Variants in DAAM1 observed in about 807,000 individuals in gnomAD.
The protein encoded by DAAM1 is disheveled-associated activator of morphogenesis 1.
A neutral mutation model predicts 130.0 loss-of-function variants in DAAM1; 52 were observed. The observed-to-expected ratio is 0.40, with a 90% CI of 0.32 to 0.50. DAAM1 has a LOEUF of 0.50. Among genes scored for constraint, DAAM1 ranks in the 20% least tolerant of loss-of-function variants. The probability of loss-of-function intolerance (pLI) is 0.61; values close to 1 mark genes in which losing one functional copy is unlikely to be tolerated. For missense variants in DAAM1, 1,134 were observed against 1,303.8 expected (o/e 0.87, Z 2.01); for synonymous variants, 452 against 444.5 (o/e 1.02, Z -0.21).
At chr14:59,194,504 C>G (rs1016594003) in intron 1 of DAAM1, among the ~76,000 whole-genome samples, 1 of 152,230 alleles carries the variant, frequency 6.6e-6, no homozygotes, top group African/African-American at 2.4e-5. Flanking sequence ...TAACTTTTCA[C>G]TGGGTTGAAT....
chr14:59,259,815 C>T (rs1440185754), intron 1 of DAAM1, among the ~76,000 whole-genome samples: 1 of 152,174 alleles, frequency 6.6e-6, no homozygotes, highest in Non-Finnish European at 1.5e-5. Context: ...GAGGCCGAGG[C>T]AGGCAGATCA....
At chr14:59,305,741 G>A (rs903979609) in intron 3 of DAAM1, among the ~76,000 whole-genome samples, 19 of 152,172 alleles carry the variant, frequency 1.2e-4, no homozygotes, top group African/African-American at 4.3e-4. Flanking sequence ...TCTCTTTGCT[G>A]CTCTTCCCCA....
intron 1 of DAAM1, among the ~76,000 whole-genome samples, chr14:59,211,077 G>A (rs1423433820): frequency 2.0e-5 from 3 of 152,100 alleles, no homozygotes; most frequent in Non-Finnish European, 4.4e-5. Context: ...CAATATTGTA[G>A]GAGAAATGGT....
At chr14:59,230,960 C>T (rs527373697) in intron 1 of DAAM1, among the ~76,000 whole-genome samples, 3 of 152,242 alleles carry the variant, frequency 2.0e-5, no homozygotes, top group African/African-American at 7.2e-5. Flanking sequence ...TAAAAATGTT[C>T]TCTGTTGAAC....
chr14:59,314,110 G>T (rs569115477), intron 3 of DAAM1, among the ~76,000 whole-genome samples: 32 of 152,262 alleles, frequency 2.1e-4, no homozygotes, highest in African/African-American at 7.5e-4. Flanking sequence ...TTTTTTCGAG[G>T]CACAGTATAG....
intron 16 of DAAM1, among the ~76,000 whole-genome samples, chr14:59,344,978 T>C (rs1467120767): frequency 6.6e-6 from 1 of 151,642 alleles, no homozygotes; most frequent in Non-Finnish European, 1.5e-5. Context: ...CAAGCAGAGC[T>C]CTCCTCATGA....
At chr14:59,213,530 C>G (rs950478236) in intron 1 of DAAM1, among the ~76,000 whole-genome samples, 3 of 152,082 alleles carry the variant, frequency 2.0e-5, no homozygotes, top group Non-Finnish European at 4.4e-5. Context: ...ACTGCTATTC[C>G]TAAAACTAAA....
chr14:59,368,952 G>A lies in DAAM1; in HGVS notation c.*93G>A, dbSNP rs1352468296. On this transcript the variant is annotated 3_prime_UTR_variant, in exon 25 of 25. Coordinates refer to ENST00000360909, the MANE Select transcript of DAAM1 (RefSeq NM_001270520.2). ...ACACTGCCTTGCAATCCAAACAGTG[G>A]CAATTTTTTCCTTCATCTGTGAGTG... The A allele has an allele frequency of 3.3e-6, 4 of 1,199,010 alleles. No homozygotes were observed. The African/African-American group carries it at 4.6e-5, about 14-fold the overall frequency. 74.3% of individuals were successfully genotyped at this position (1,199,010 alleles called of 1,614,324 possible). A position where few individuals can be genotyped will look rare whatever the true frequency, so the allele number is the denominator to read the frequency against.
intron 2 of DAAM1, among the ~76,000 whole-genome samples, chr14:59,273,712 G>A (rs916380199): frequency 2.0e-5 from 3 of 152,176 alleles, no homozygotes; most frequent in Non-Finnish European, 2.9e-5. Flanking sequence ...AAAGGCTGGA[G>A]GAATAATTTG....
At position 59,226,576 on chromosome 14, in the gene DAAM1, A is replaced by C. The variant is rs1428881497; in HGVS notation, c.-37-36865A>C. ...TGACATGATACCAAGAGTGCAGGGA[A>C]TGGAGGTGGGTCATTCCTTGTAAAG... is the stretch of plus-strand genomic sequence containing the variant. On this transcript the variant is annotated intron_variant, in intron 1 of 24. Coordinates refer to ENST00000360909, the MANE Select transcript of DAAM1 (RefSeq NM_001270520.2). Among the ~76,000 whole-genome samples, 4 of 152,140 alleles carry C rather than the reference A, an allele frequency of 2.6e-5. No individual in the cohort carries two copies. In the East Asian group the frequency reaches 7.7e-4, roughly 29 times the overall value.
chr14:59,331,991 C>A, intron 15 of DAAM1, 71 bp downstream of exon 15: 1 of 1,319,216 alleles, frequency 7.6e-7, no homozygotes, highest in Admixed American at 1.8e-5. Flanking sequence ...TCTGGCCCAT[C>A]AGCCATGGCC....
chr14:59,327,398 G>GTTTGTTTTTTTTTTTTTTTTTTTTTT (rs1338982717), intron 12 of DAAM1, among the ~76,000 whole-genome samples: 1 of 72,764 alleles, frequency 1.4e-5, no homozygotes, highest in African/African-American at 7.4e-5. Flanking sequence ...AGGTCACTTG[G>GTTTGTTTTTTTTTTTTTTTTTTTTTT]TTTCTTTTTT....
At chr14:59,241,606 A>G (rs912993290) in intron 1 of DAAM1, among the ~76,000 whole-genome samples, 5 of 152,352 alleles carry the variant, frequency 3.3e-5, no homozygotes, top group Admixed American at 3.3e-4. Context: ...TCTATTGTGT[A>G]CTGCCATTTT....
At chr14:59,282,740 A>C (rs1883279955) in intron 2 of DAAM1, among the ~76,000 whole-genome samples, 1 of 152,166 alleles carries the variant, frequency 6.6e-6, no homozygotes, top group Non-Finnish European at 1.5e-5. Context: ...ACAGTATAAT[A>C]ATATGACCTA....
chr14:59,248,517 A>C (rs761343740), intron 1 of DAAM1, among the ~76,000 whole-genome samples: 2 of 152,234 alleles, frequency 1.3e-5, no homozygotes, highest in East Asian at 3.9e-4. Context: ...AGGAATCCCC[A>C]GTGAGAAAAC....
chr14:59,305,494 A>G (rs1884342321), intron 3 of DAAM1, among the ~76,000 whole-genome samples: 1 of 152,204 alleles, frequency 6.6e-6, no homozygotes, highest in South Asian at 2.1e-4. Context: ...TAAAATAAAT[A>G]AAGTAAGTGT....
At chr14:59,342,969 G>A (rs1444352862) in intron 16 of DAAM1, among the ~76,000 whole-genome samples, 1 of 152,168 alleles carries the variant, frequency 6.6e-6, no homozygotes, top group Non-Finnish European at 1.5e-5. Flanking sequence ...AATGAAACCA[G>A]GCAGGAGAGC....
At chr14:59,366,679 A>C (rs1283476897) in intron 23 of DAAM1, among the ~76,000 whole-genome samples, 1 of 152,214 alleles carries the variant, frequency 6.6e-6, no homozygotes, top group Non-Finnish European at 1.5e-5. Context: ...GGAGTATTAC[A>C]ATTTTTACTT....
intron 2 of DAAM1, among the ~76,000 whole-genome samples, chr14:59,278,047 ATAAC>A (rs1380636311): frequency 3.3e-5 from 5 of 152,206 alleles, no homozygotes; most frequent in East Asian, 1.9e-4. Flanking sequence ...ATTCACAACA[ATAAC>A]TAATAATAAA....
Sources: allele counts gnomAD v4.1 joint callset (sites outside exome capture counted in the v4.1 genomes callset), GRCh38; gene constraint gnomAD v4.1.1; transcripts MANE v1.5; gene names NCBI Gene and HGNC (gene_info 2026-07-23, HGNC 2026-07-21).